APIP: variants seen among roughly 807,000 people sequenced by gnomAD.
APIP encodes APAF1 interacting protein.
A neutral mutation model predicts 32.0 loss-of-function variants in APIP; 32 were observed. The ratio of observed to expected loss-of-function variants is 1.00; its 90% CI spans 0.76 to 1.34. APIP has a LOEUF of 1.34. APIP is among the 40% of genes most tolerant of loss of function. The probability of loss-of-function intolerance (pLI) is 0.00; values close to 1 mark genes in which losing one functional copy is unlikely to be tolerated. For missense variants in APIP, 247 were observed against 298.6 expected (o/e 0.83, Z 1.27); for synonymous variants, 92 against 94.8 (o/e 0.97, Z 0.17).
rs1565135446 is a variant in APIP, at chr11:34,895,101, G to C, written c.67C>G (p.His23Asp). 6 of 1,613,120 alleles carry C rather than the reference G, an allele frequency of 3.7e-6. No individual in the cohort carries two copies. The highest frequency in any genetic ancestry group is 5.1e-6 in the Non-Finnish European group (6 of 1,179,246). Residue 23 changes from histidine to aspartate, a missense_variant, in exon 2 of 7, where the codon CAT becomes GAT. Transcript: ENST00000395787. ...SRRCGAQDKE[H>D]PRYLIPELCK... Reference sequence around the variant, plus strand: ...AGTTCTGGGATCAGGTATCTTGGATGCTCCTTGTCCTTAAAAAGAAGGTAA... The same window carrying C: ...AGTTCTGGGATCAGGTATCTTGGATCCTCCTTGTCCTTAAAAAGAAGGTAA...
At chr11:34,897,332 C>T (rs1853290959) in intron 1 of APIP, among the ~76,000 whole-genome samples, 2 of 152,152 alleles carry the variant, frequency 1.3e-5, no homozygotes, top group Non-Finnish European at 2.9e-5. Context: ...CTTTGGGTGT[C>T]AGTTTACTTA....
intron 1 of APIP, among the ~76,000 whole-genome samples, chr11:34,913,226 C>A (rs1435700856): frequency 2.0e-5 from 3 of 152,168 alleles, no homozygotes; most frequent in African/African-American, 4.8e-5. Flanking sequence ...TATCTCATTG[C>A]CCTTAGTTTA....
intron 5 of APIP, among the ~76,000 whole-genome samples, chr11:34,885,065 T>C (rs187089354): frequency 3.2e-4 from 45 of 139,010 alleles, no homozygotes; most frequent in Middle Eastern, 3.7e-3. Flanking sequence ...TATGTATATG[T>C]ATACATTATA....
intron 3 of APIP, 93 bp from the exon 4 acceptor site, chr11:34,888,962 A>G: frequency 1.5e-6 from 1 of 666,786 alleles, no homozygotes; most frequent in Non-Finnish European, 2.3e-6. Flanking sequence ...ATAAGAATAC[A>G]AGAAAGTTTA....
intron 1 of APIP, chr11:34,896,866 G>A: frequency 8.1e-7 from 1 of 1,237,602 alleles, no homozygotes; most frequent in Non-Finnish European, 1.1e-6. Flanking sequence ...CTAGAAGCAT[G>A]AGACAAAACC....
rs201943778 is a variant in APIP, at chr11:34,915,072, A to C, written c.57+1156T>G. On this transcript the variant is annotated intron_variant, in intron 1 of 6. Coordinates refer to ENST00000395787, the MANE Select transcript of APIP (RefSeq NM_015957.4). ...GAACATTGAGTGCAGCAAAAAAAAA[A>C]CATGCCTGTCCACCAAGCTGTCTGT... is the stretch of plus-strand genomic sequence containing the variant. Among the ~76,000 whole-genome samples the C allele has an allele frequency of 2.1e-4, 31 of 149,938 alleles. No individual in the cohort carries two copies. The East Asian group carries it at 4.9e-3, about 24-fold the overall frequency.
intron 5 of APIP, among the ~76,000 whole-genome samples, chr11:34,887,410 A>T (rs1853096542): frequency 6.6e-6 from 1 of 152,194 alleles, no homozygotes; most frequent in Non-Finnish European, 1.5e-5. Flanking sequence ...CTTAATTTAA[A>T]TATTTAACTT....
chr11:34,883,430 T>C lies in APIP; in HGVS notation c.536A>G (p.His179Arg), dbSNP rs1246303916. 1 of 1,614,004 alleles carries C rather than the reference T, an allele frequency of 6.2e-7. No homozygotes were observed. The highest frequency in any genetic ancestry group is 2.2e-5 in the East Asian group (1 of 44,892). The change falls in exon 6 of 7, where the codon CAT (histidine) becomes CGT (arginine). Residue 179 changes from histidine to arginine, a missense_variant. By Grantham distance (29) the His-to-Arg change is conservative. Coordinates refer to ENST00000395787, the MANE Select transcript of APIP (RefSeq NM_015957.4). ...EEKDLKDRMA[H>R]AMNEYPDSCA... ...GGAGTCTGGGTATTCATTCATTGCA[T>C]GAGCCATTCTATCTTTGAGGTCTTT...
chr11:34,897,122 G>A (rs533225821), intron 1 of APIP, among the ~76,000 whole-genome samples: 11 of 152,212 alleles, frequency 7.2e-5, no homozygotes, highest in African/African-American at 2.4e-4. Flanking sequence ...TTGAAATTGT[G>A]GTGTTTTTCC....
At chr11:34,893,439 G>A (rs1367866604) in intron 2 of APIP, among the ~76,000 whole-genome samples, 1 of 152,148 alleles carries the variant, frequency 6.6e-6, no homozygotes. Flanking sequence ...ATACAGTTGG[G>A]AAACTATATT....
intron 2 of APIP, among the ~76,000 whole-genome samples, chr11:34,892,802 T>A (rs1444742257): frequency 6.6e-6 from 1 of 152,180 alleles, no homozygotes; most frequent in Non-Finnish European, 1.5e-5. Flanking sequence ...ACATAATTTA[T>A]TGCGTTTGCA....
chr11:34,905,749 G>A (rs1466463715), intron 1 of APIP, among the ~76,000 whole-genome samples: 1 of 152,124 alleles, frequency 6.6e-6, no homozygotes, highest in Non-Finnish European at 1.5e-5. Context: ...CGATGGGAGT[G>A]GCATGCTCTA....
chr11:34,896,472 G>A (rs1148933), intron 1 of APIP, among the ~76,000 whole-genome samples: 38 of 152,224 alleles, frequency 2.5e-4, no homozygotes, highest in Non-Finnish European at 4.9e-4. Context: ...TAACACAGGA[G>A]CAGAAAACCA....
intron 1 of APIP, among the ~76,000 whole-genome samples, chr11:34,910,159 C>A (rs1853524080): frequency 6.6e-6 from 1 of 152,192 alleles, no homozygotes; most frequent in Non-Finnish European, 1.5e-5. Context: ...GCAATATTCT[C>A]CAGCAATGTT....
rs141206899 is a variant in APIP, at chr11:34,900,958, G to A, written c.58-5848C>T. ...CTAATAAAACATACCTATTTATCCC[G>A]ATTCAATCAAGGGACAGCTCATTCT... On this transcript the variant is annotated intron_variant, in intron 1 of 6. Transcript: ENST00000395787. Among the ~76,000 whole-genome samples, 287 of 151,752 alleles carry A rather than the reference G, an allele frequency of 1.9e-3. 4 individuals are homozygous for A. The highest frequency in any genetic ancestry group is 6.3e-3 in the African/African-American group (259 of 41,126).
chr11:34,903,434 G>T (rs921782300), intron 1 of APIP, among the ~76,000 whole-genome samples: 1 of 152,230 alleles, frequency 6.6e-6, no homozygotes, highest in South Asian at 2.1e-4. Context: ...AAAGGAAAGA[G>T]AGCTAACATT....
chr11:34,894,488 C>CAAA (rs902882561), intron 2 of APIP, among the ~76,000 whole-genome samples: 1 of 119,668 alleles, frequency 8.4e-6, no homozygotes, highest in African/African-American at 3.1e-5. Flanking sequence ...AAAAAAAAAA[C>CAAA]CCCAGAAAAA....
At chr11:34,900,387 T>C (rs1853354870) in intron 1 of APIP, among the ~76,000 whole-genome samples, 1 of 152,038 alleles carries the variant, frequency 6.6e-6, no homozygotes, top group South Asian at 2.1e-4. Context: ...ACTCTCCCCA[T>C]TTCACTCTTA....
At chr11:34,883,946 C>T (rs1853015096) in intron 5 of APIP, among the ~76,000 whole-genome samples, 2 of 152,088 alleles carry the variant, frequency 1.3e-5, no homozygotes, top group South Asian at 4.1e-4. Flanking sequence ...TGCAGAATCC[C>T]AAAGTATCTG....
Sources: allele counts gnomAD v4.1 joint callset (sites outside exome capture counted in the v4.1 genomes callset), GRCh38; gene constraint gnomAD v4.1.1; transcripts MANE v1.5; gene names NCBI Gene and HGNC (gene_info 2026-07-23, HGNC 2026-07-21).